TIAM1: variants seen among roughly 807,000 people sequenced by gnomAD.
TIAM1 encodes TIAM Rac1 associated GEF 1.
A neutral mutation model predicts 163.5 loss-of-function variants in TIAM1; 65 were observed. That is an observed-to-expected ratio of 0.40 (90% CI 0.33 to 0.49). The LOEUF (loss-of-function observed/expected upper bound fraction) is 0.49, where lower values mean the gene tolerates loss of function less well. Among genes scored for constraint, TIAM1 ranks in the 20% least tolerant of loss-of-function variants. The pLI is 0.77. For missense variants in TIAM1, 1,789 were observed against 2,044.7 expected (o/e 0.87, Z 2.41); for synonymous variants, 833 against 810.1 (o/e 1.03, Z -0.48).
rs144416048 is a variant in TIAM1 at position 31,266,727 on chromosome 21, T to C, written c.246A>G (p.Leu82=). 1.6e-4 allele frequency: 256 copies of C among 1,614,068 alleles called. 1 individual carries two copies. Among genetic ancestry groups the C allele is most frequent in the African/African-American group, 5.3e-5 (4 of 74,938 alleles). Residue 82 remains leucine, a synonymous_variant, in exon 4 of 28, where the codon CTA becomes CTG. Coordinates refer to ENST00000541036, the MANE Select transcript of TIAM1 (RefSeq NM_001353694.2). ...GLEPFSQDGT[L]EDFGSPIWVD... is the part of the protein sequence containing the mutation. Reference sequence around the variant, plus strand: ...CCCAGATGGGGCTCCCGAAGTCTTCTAGGGTACCATCTTGGGAGAAGGGCT... The same window carrying C: ...CCCAGATGGGGCTCCCGAAGTCTTCCAGGGTACCATCTTGGGAGAAGGGCT...
rs2072778735 is a variant in TIAM1, at chr21:31,266,505, C to A, written c.468G>T (p.Gly156=). ...GRRQHSYTSN[G]PTFMETASFK... is the part of the protein sequence containing the mutation. The stretch of plus-strand genomic sequence containing the variant: ...AGCTCGCCGTCTCCATGAAAGTGGG[C>A]CCATTGGATGTATAGGAATGCTGCC... Residue 156 remains glycine (G), a synonymous_variant, in exon 4 of 28, where the codon GGG becomes GGT. Coordinates refer to ENST00000541036, the MANE Select transcript of TIAM1 (RefSeq NM_001353694.2). 1.2e-6 allele frequency: 2 copies of A among 1,614,050 alleles called. No homozygotes were observed. The highest frequency in any genetic ancestry group is 2.7e-5 in the African/African-American group (2 of 74,924).
intron 10 of TIAM1, among the ~76,000 whole-genome samples, chr21:31,210,621 GA>G (rs1569031697): frequency 2.3e-4 from 3 of 13,326 alleles, no homozygotes; most frequent in Admixed American, 1.2e-3. Flanking sequence ...AAGGGAGAAA[GA>G]AAGAAAGAAA....
At chr21:31,508,319 C>A (rs929217927) in intron 1 of TIAM1, among the ~76,000 whole-genome samples, 3 of 151,906 alleles carry the variant, frequency 2.0e-5, no homozygotes, top group Admixed American at 2.0e-4. Context: ...GGATTCTTTT[C>A]TACCTTTCCT....
intron 8 of TIAM1, among the ~76,000 whole-genome samples, chr21:31,222,699 ATATATATATTTTTTT>A (rs2087655485): frequency 2.5e-5 from 1 of 39,788 alleles, no homozygotes; most frequent in Non-Finnish European, 4.3e-5. Context: ...ATATATATAT[ATATATATATTTTTTT>A]TTTTTTTTTT....
At chr21:31,471,110 T>G (rs1435347800) in intron 1 of TIAM1, among the ~76,000 whole-genome samples, 1 of 152,118 alleles carries the variant, frequency 6.6e-6, no homozygotes, top group Non-Finnish European at 1.5e-5. Context: ...TCCGGGCTGC[T>G]GAGAGTCTCC....
At position 31,141,306 on chromosome 21, in the gene TIAM1, G is replaced by T; in HGVS notation, c.3655+19C>A. 6.2e-7 allele frequency: 1 copy of T among 1,613,706 alleles called. No individual in the cohort carries two copies. The highest frequency in any genetic ancestry group is 8.5e-7 in the Non-Finnish European group (1 of 1,179,736). On this transcript the variant is annotated intron_variant, in intron 21 of 27. Transcript: ENST00000541036. This position sits in a 1 kb window ranked among gnomAD's most constrained non-coding sequence, Gnocchi z 4.7. ...TCATGGAGACTCAGGCCTGCCGGGG[G>T]TCCCAGGCCGAGGCCTACCGTCCAG...
chr21:31,428,377 G>C (rs16988263), intron 2 of TIAM1, among the ~76,000 whole-genome samples: 19,277 of 152,118 alleles, frequency 0.13, 2,112 homozygotes, highest in African/African-American at 0.29. Flanking sequence ...TTTACCTTCT[G>C]GTTTTATTGT....
intron 23 of TIAM1, 90 bp from the exon 24 acceptor site, chr21:31,131,038 T>C: frequency 9.5e-7 from 1 of 1,055,088 alleles, no homozygotes. Context: ...AACACTACAG[T>C]TATGAAGAGG....
intron 2 of TIAM1, among the ~76,000 whole-genome samples, chr21:31,446,098 A>C (rs940592080): frequency 8.6e-5 from 13 of 151,744 alleles, no homozygotes; most frequent in Admixed American, 7.9e-4. Flanking sequence ...CCGCCACCAC[A>C]CCTGGCTAAT....
At chr21:31,212,351 A>G in intron 10 of TIAM1, among the ~76,000 whole-genome samples, 1 of 152,106 alleles carries the variant, frequency 6.6e-6, no homozygotes, top group Admixed American at 6.6e-5. Context: ...GAATTCTGTC[A>G]TATTGATTCT....
At chr21:31,532,910 C>T (rs1349177253) in intron 1 of TIAM1, among the ~76,000 whole-genome samples, 1 of 152,170 alleles carries the variant, frequency 6.6e-6, no homozygotes, top group African/African-American at 2.4e-5. Flanking sequence ...TACACCACTA[C>T]ACTCCAGCCT....
At chr21:31,386,939 C>T (rs558224930) in intron 2 of TIAM1, among the ~76,000 whole-genome samples, 7 of 152,152 alleles carry the variant, frequency 4.6e-5, no homozygotes, top group Admixed American at 2.0e-4. Flanking sequence ...GTGTTTTTGA[C>T]GTCCTGAGCT....
chr21:31,277,358 G>A (rs574283917), intron 2 of TIAM1, among the ~76,000 whole-genome samples: 19 of 152,330 alleles, frequency 1.2e-4, no homozygotes, highest in African/African-American at 3.6e-4. Context: ...AGAAAGGGGA[G>A]GCATGGGCTG....
chr21:31,154,429 T>A lies in TIAM1; in HGVS notation c.2992-3A>T, dbSNP rs1196329506. On this transcript the variant is annotated splice_polypyrimidine_tract_variant and splice_region_variant and intron_variant, in intron 16 of 27. Transcript: ENST00000541036. ...AATGCGGCCACCTGTTCTGTACTCT[T>A]CGGAGCACAGGGGGGAAGGGAAGGC... The A allele has an allele frequency of 6.2e-7, 1 of 1,612,058 alleles. No individual in the cohort carries two copies. The highest frequency in any genetic ancestry group is 2.2e-5 in the East Asian group (1 of 44,836).
intron 13 of TIAM1, among the ~76,000 whole-genome samples, chr21:31,193,851 T>A (rs1481281078): frequency 3.3e-5 from 5 of 152,146 alleles, no homozygotes; most frequent in African/African-American, 1.2e-4. Flanking sequence ...GGCGGCTCCA[T>A]CCTCTCTTCT....
At chr21:31,225,517 T>C (rs2087899188) in intron 7 of TIAM1, among the ~76,000 whole-genome samples, 1 of 152,108 alleles carries the variant, frequency 6.6e-6, no homozygotes, top group Non-Finnish European at 1.5e-5. Flanking sequence ...TCATTCAATG[T>C]AATATTGTTC....
chr21:31,395,322 T>C lies in TIAM1; in HGVS notation c.-368-55900A>G, dbSNP rs2077046483. The stretch of plus-strand genomic sequence containing the variant: ...TGTCACTACGTCTCAGGGGGCTACT[T>C]CTAGAGAAGTGACAAATGGCCCCAC... On this transcript the variant is annotated intron_variant, in intron 2 of 28. Coordinates refer to the TIAM1 transcript ENST00000286827. The surrounding 1 kb of genome is among the most constrained non-coding windows in gnomAD (Gnocchi z 7.5). 6.6e-6 allele frequency among the ~76,000 whole-genome samples: 1 copy of C among 151,884 alleles called. No individual in the cohort carries two copies. Among genetic ancestry groups the C allele is most frequent in the South Asian group, 2.1e-4 (1 of 4,804 alleles).
chr21:31,266,252 A>G lies in TIAM1; in HGVS notation c.721T>C (p.Ser241Pro). Residue 241 changes from serine to proline, a missense_variant, in exon 4 of 28, where the codon TCT (serine) becomes CCT (proline). Around this residue, in one of 5 missense-constraint regions of TIAM1, gnomAD observed 555 missense variants for 564.9 expected, o/e 0.98. Transcript: ENST00000541036. The stretch of plus-strand genomic sequence containing the variant: ...GGCCCCCCGTTTGCTGTCACTCCAG[A>G]GTTTTTCTGAGCATACAAGTCACCC... Reference protein sequence around the residue: ...SLGDLYAQKNSGVTANGGPGS... With the variant: ...SLGDLYAQKNPGVTANGGPGS... 1 of 1,614,080 alleles carries G rather than the reference A, an allele frequency of 6.2e-7. No homozygotes were observed. The highest frequency in any genetic ancestry group is 8.5e-7 in the Non-Finnish European group (1 of 1,180,002).
At chr21:31,374,044 G>T (rs147900550) in intron 2 of TIAM1, among the ~76,000 whole-genome samples, 242 of 152,080 alleles carry the variant, frequency 1.6e-3, no homozygotes, top group African/African-American at 5.7e-3. Context: ...CCCCTCCTTG[G>T]TATCTGGGTA....
Sources: allele counts gnomAD v4.1 joint callset (sites outside exome capture counted in the v4.1 genomes callset), GRCh38; gene constraint gnomAD v4.1.1; regional missense constraint gnomAD v4.1.1; non-coding constraint Gnocchi (gnomAD v3.1); transcripts MANE v1.5; gene names NCBI Gene and HGNC (gene_info 2026-07-23, HGNC 2026-07-21).